Variants in TNS1 observed in about 807,000 individuals in gnomAD.
TNS1 encodes tensin-1.
A neutral mutation model predicts 168.6 loss-of-function variants in TNS1; 62 were observed. The ratio of observed to expected loss-of-function variants is 0.37; its 90% CI spans 0.30 to 0.45. The LOEUF is 0.45. Ranked by LOEUF, TNS1 falls within the 20% of genes least tolerant of loss-of-function variation. The pLI is 1.00. For synonymous variants in TNS1, 934 were observed against 933.2 expected (o/e 1.00, Z -0.02); for missense variants, 2,240 against 2,339.4 (o/e 0.96, Z 0.88).
Position 217,897,912 on chromosome 2 carries a change from G to T in TNS1, c.429C>A (p.Val143=), listed in dbSNP as rs1388593176. 5.0e-6 allele frequency: 8 copies of T among 1,613,368 alleles called. No individual in the cohort carries two copies. The highest frequency in any genetic ancestry group is 6.8e-6 in the Non-Finnish European group (8 of 1,179,616). ...AGGAGACAGCGATGATCCTCTCTGT[G>T]ACGTACACCAGGTCCAGCTCACAGC... ...EDSCELDLVY[V]TERIIAVSFP... Residue 143 remains valine (V), a synonymous_variant, in exon 8 of 33, where the codon GTC becomes GTA. Coordinates refer to ENST00000682258, the MANE Select transcript of TNS1 (RefSeq NM_001387777.1).
intron 19 of TNS1, among the ~76,000 whole-genome samples, chr2:217,844,718 T>G (rs1230486745): frequency 2.6e-5 from 4 of 152,198 alleles, no homozygotes; most frequent in Non-Finnish European, 5.9e-5. Flanking sequence ...AAAGACTATT[T>G]TAAAGTTCCA....
intron 1 of TNS1, among the ~76,000 whole-genome samples, chr2:218,000,338 T>C (rs1958539032): frequency 6.6e-6 from 1 of 152,258 alleles, no homozygotes; most frequent in African/African-American, 2.4e-5. Flanking sequence ...AGTCACTTCC[T>C]GGCCTCAGAG....
At chr2:217,944,022 CG>C (rs1184142468) in intron 3 of TNS1, 1 of 152,612 alleles carries the variant, frequency 6.6e-6, no homozygotes, top group African/African-American at 2.4e-5. Flanking sequence ...AGGCAGGGAG[CG>C]GGGTGCAAGG....
chr2:217,970,197 T>A (rs1196599712), intron 3 of TNS1, among the ~76,000 whole-genome samples: 3 of 152,246 alleles, frequency 2.0e-5, no homozygotes, highest in Non-Finnish European at 4.4e-5. Context: ...AGCACAGGCC[T>A]GCCAACACCT....
At chr2:217,832,422 G>A (rs1050624437) in intron 21 of TNS1, among the ~76,000 whole-genome samples, 3 of 152,230 alleles carry the variant, frequency 2.0e-5, no homozygotes, top group African/African-American at 7.2e-5. Context: ...CTGGGTGGCA[G>A]CTGCCATGTC....
chr2:217,996,404 A>G (rs1024221678), intron 1 of TNS1, among the ~76,000 whole-genome samples: 7 of 152,118 alleles, frequency 4.6e-5, no homozygotes, highest in African/African-American at 1.7e-4. Context: ...GGGAAGGCTC[A>G]GATCCCCAGT....
At chr2:217,942,277 G>A (rs1038923431) in intron 3 of TNS1, among the ~76,000 whole-genome samples, 16 of 152,238 alleles carry the variant, frequency 1.1e-4, no homozygotes, top group South Asian at 2.1e-4. Flanking sequence ...CCTGGTGCTC[G>A]GCCGGACTGG....
intron 22 of TNS1, chr2:217,829,729 G>T: frequency 8.2e-7 from 1 of 1,214,846 alleles, no homozygotes; most frequent in Non-Finnish European, 1.2e-6. Context: ...CATGTGCCTG[G>T]TCGCCTGAGT....
chr2:217,905,136 G>A (rs567152425), intron 6 of TNS1, among the ~76,000 whole-genome samples: 18 of 152,282 alleles, frequency 1.2e-4, no homozygotes, highest in African/African-American at 4.3e-4. Flanking sequence ...TATTGAGCAC[G>A]TATGATATAT....
At chr2:217,978,913 G>A in intron 2 of TNS1, 111 bp from the exon 3 acceptor site, 1 of 690,164 alleles carries the variant, frequency 1.4e-6, no homozygotes, top group Non-Finnish European at 2.7e-6. Flanking sequence ...GAAGGAAGGA[G>A]GGAAGGAGGG....
intron 3 of TNS1, among the ~76,000 whole-genome samples, chr2:217,957,595 G>A (rs921414630): frequency 6.6e-6 from 1 of 152,132 alleles, no homozygotes; most frequent in African/African-American, 2.4e-5. Flanking sequence ...AGAGAGCACA[G>A]CTTCTATGTT....
At chr2:217,893,291 A>G (rs780963294) in intron 10 of TNS1, 148 bp downstream of exon 10, 2 of 1,387,106 alleles carry the variant, frequency 1.4e-6, no homozygotes, top group Non-Finnish European at 1.9e-6. Flanking sequence ...CCCTAGAAAG[A>G]AAAATACACA....
chr2:218,010,646 T>G (rs2106000203), upstream of TNS1, among the ~76,000 whole-genome samples: 1 of 146,484 alleles, frequency 6.8e-6, no homozygotes, highest in African/African-American at 2.5e-5. Flanking sequence ...GCGCCGGGCG[T>G]CCGGCGTCCA....
rs1574607355 is a variant in TNS1 at position 217,818,077 on chromosome 2, G to T, written c.4255C>A (p.Pro1419Thr). The T allele has an allele frequency of 1.9e-6, 3 of 1,612,566 alleles. No homozygotes were observed. The highest frequency in any genetic ancestry group is 2.7e-5 in the African/African-American group (2 of 75,046). Residue 1419 changes from proline (P) to threonine (T), a missense_variant, in exon 24 of 33, where the codon CCC (proline) becomes ACC (threonine). Pro to Thr is a conservative substitution (Grantham distance 38, BLOSUM62 -1). This residue lies in a region of TNS1 where 2,131 missense variants were observed against 2,171.2 expected (regional missense o/e 0.98). Transcript: ENST00000682258. ...TAGGCCACATGCCGGTCCAAGCAGG[G>T]GCTGCCGGGAACCACAGATCCAGAC... is the stretch of plus-strand genomic sequence containing the variant. ...GGSGSVVPGS[P>T]CLDRHVAYGG...
At position 217,813,548 on chromosome 2, in the gene TNS1, A is replaced by G; in HGVS notation, c.4861+137T>C. ...CAATCTCTGACCTCAACCATCACCAAGCCCAAGACACCCTCTTCCGAAGAG... is the reference window on the plus strand; with the variant it reads ...CAATCTCTGACCTCAACCATCACCAGGCCCAAGACACCCTCTTCCGAAGAG... On this transcript the variant is annotated intron_variant, in intron 26 of 32. Coordinates refer to ENST00000682258, the MANE Select transcript of TNS1 (RefSeq NM_001387777.1). The surrounding 1 kb of genome is among the most constrained non-coding windows in gnomAD (Gnocchi z 4.0). 2 of 1,333,528 alleles carry G rather than the reference A, an allele frequency of 1.5e-6. No homozygotes were observed. Among genetic ancestry groups the G allele is most frequent in the Non-Finnish European group, 2.0e-6 (2 of 978,684 alleles). The allele number at this position is 1,333,528 out of a possible 1,614,324, so 82.6% of individuals were successfully genotyped here.
intron 2 of TNS1, 63 bp from the exon 3 acceptor site, chr2:217,978,865 G>A (rs893936161): frequency 3.0e-5 from 21 of 700,762 alleles, no homozygotes; most frequent in African/African-American, 7.0e-5. Context: ...GAAACTCCGC[G>A]AAATCTCCTC....
intron 6 of TNS1, among the ~76,000 whole-genome samples, chr2:217,904,097 G>A (rs1157803474): frequency 6.6e-6 from 1 of 152,144 alleles, no homozygotes; most frequent in Non-Finnish European, 1.5e-5. Flanking sequence ...CCTACGTCAG[G>A]GGCCCGGCCC....
intron 22 of TNS1, among the ~76,000 whole-genome samples, chr2:217,824,233 C>T (rs1252421717): frequency 6.6e-6 from 1 of 152,190 alleles, no homozygotes; most frequent in African/African-American, 2.4e-5. Flanking sequence ...CCTGATCTAA[C>T]CTATCTCCTC....
At chr2:217,805,726 CTG>C (rs1277879432) in intron 32 of TNS1, among the ~76,000 whole-genome samples, 1 of 91,784 alleles carries the variant, frequency 1.1e-5, no homozygotes, top group African/African-American at 3.8e-5. Context: ...ACACACACCA[CTG>C]CACACACCAC....
Sources: gnomAD v4.1 joint callset for allele counts (sites outside exome capture counted in the v4.1 genomes callset) on GRCh38, gnomAD v4.1.1 for gene constraint, gnomAD v4.1.1 regional missense constraint, Gnocchi (gnomAD v3.1) non-coding constraint, MANE v1.5 for transcripts, NCBI Gene and HGNC (gene_info 2026-07-23, HGNC 2026-07-21) for gene names.